The following MGAT4C variants were observed in gnomAD, a reference collection of about 807,000 sequenced individuals.
The protein encoded by MGAT4C is MGAT4 family member C, also known as alpha-1,3-mannosyl-glycoprotein 4-beta-N-acetylglucosaminyltransferase C.
MGAT4C carries 19 observed loss-of-function variants against 40.1 expected under a neutral mutation model. The ratio of observed to expected loss-of-function variants is 0.47; its 90% CI spans 0.33 to 0.70. The LOEUF (loss-of-function observed/expected upper bound fraction) is 0.70. Ranked by LOEUF, MGAT4C falls within the 30% of genes least tolerant of loss-of-function variation. The probability of loss-of-function intolerance (pLI) is 0.02; values close to 1 mark genes in which losing one functional copy is unlikely to be tolerated. For synonymous variants in MGAT4C, 181 were observed against 187.1 expected (o/e 0.97, Z 0.27); for missense variants, 491 against 563.2 (o/e 0.87, Z 1.30).
At chr12:86,354,966 GC>G (rs1350249579) in intron 3 of MGAT4C, among the ~76,000 whole-genome samples, 4 of 152,194 alleles carry the variant, frequency 2.6e-5, no homozygotes, top group African/African-American at 9.7e-5. Context: ...GCCACTGCTG[GC>G]TGGGGGCGGC....
intron 2 of MGAT4C, among the ~76,000 whole-genome samples, chr12:86,530,814 C>T (rs1958968780): frequency 6.6e-6 from 1 of 151,938 alleles, no homozygotes; most frequent in Non-Finnish European, 1.5e-5. Context: ...GCTTCTTTTC[C>T]AATCCATTTG....
chr12:86,338,205 A>T (rs1452458272), intron 3 of MGAT4C, among the ~76,000 whole-genome samples: 11 of 152,162 alleles, frequency 7.2e-5, no homozygotes, highest in Admixed American at 7.2e-4. Flanking sequence ...GTAAGCCAGC[A>T]AACTGGGAAT....
At chr12:86,577,251 A>G (rs1960601780) in intron 2 of MGAT4C, among the ~76,000 whole-genome samples, 1 of 151,906 alleles carries the variant, frequency 6.6e-6, no homozygotes, top group Admixed American at 6.6e-5. Flanking sequence ...TTATCAGCAA[A>G]TAAGAATAAT....
At chr12:86,320,325 G>T (rs553219028) in intron 4 of MGAT4C, among the ~76,000 whole-genome samples, 1 of 152,176 alleles carries the variant, frequency 6.6e-6, no homozygotes, top group South Asian at 2.1e-4. Context: ...CAGTAGGGAA[G>T]GTGTTAACTT....
chr12:86,639,907 C>T (rs1333868625), intron 2 of MGAT4C, among the ~76,000 whole-genome samples: 1 of 151,670 alleles, frequency 6.6e-6, no homozygotes, highest in Non-Finnish European at 1.5e-5. Flanking sequence ...GCTTCCTGTG[C>T]TGGCTACTTA....
chr12:86,542,014 C>T (rs1003737300), intron 2 of MGAT4C, among the ~76,000 whole-genome samples: 1 of 152,162 alleles, frequency 6.6e-6, no homozygotes, highest in Non-Finnish European at 1.5e-5. Context: ...ACATTTGAGC[C>T]TTTATAAGTG....
chr12:86,064,036 T>C (rs1199393897), intron 1 of MGAT4C, among the ~76,000 whole-genome samples: 1 of 152,212 alleles, frequency 6.6e-6, no homozygotes, highest in Non-Finnish European at 1.5e-5. Flanking sequence ...AACTCAGCTC[T>C]GGACCAAGCA....
At chr12:86,741,737 A>C (rs2136130833) in intron 1 of MGAT4C, among the ~76,000 whole-genome samples, 1 of 151,508 alleles carries the variant, frequency 6.6e-6, no homozygotes, top group Non-Finnish European at 1.5e-5. Context: ...TCTTCCTCTT[A>C]TTCCTACCCA....
At chr12:86,239,687 G>A (rs575021002) in intron 1 of MGAT4C, among the ~76,000 whole-genome samples, 7 of 152,184 alleles carry the variant, frequency 4.6e-5, no homozygotes, top group African/African-American at 1.7e-4. Context: ...AATTAAGTCA[G>A]TGGGAGATCC....
intron 2 of MGAT4C, among the ~76,000 whole-genome samples, chr12:86,471,227 A>C (rs1245052496): frequency 1.3e-5 from 2 of 151,974 alleles, no homozygotes; most frequent in African/African-American, 4.8e-5. Flanking sequence ...ATAAAAGATA[A>C]TTTTTCTACT....
intron 2 of MGAT4C, chr12:86,495,448 T>A (rs981477673): frequency 6.6e-6 from 1 of 152,224 alleles, no homozygotes; most frequent in South Asian, 2.1e-4. Flanking sequence ...AATAATAATT[T>A]ATTTTCCACA....
intron 2 of MGAT4C, chr12:86,013,626 C>T (rs1292907546): frequency 1.9e-6 from 1 of 522,588 alleles, no homozygotes; most frequent in East Asian, 1.5e-4. Context: ...GCTATATTCA[C>T]TTATAAATCT....
chr12:86,278,178 C>CT (rs57981698), intron 4 of MGAT4C, among the ~76,000 whole-genome samples: 10,683 of 99,736 alleles, frequency 0.11, 780 homozygotes, highest in Middle Eastern at 0.25. Flanking sequence ...TGTTGACTTC[C>CT]TTTTTTTTTT....
At chr12:86,700,070 T>TAGATAAATAGATAGATA (rs1565933976) in intron 2 of MGAT4C, among the ~76,000 whole-genome samples, 3 of 149,926 alleles carry the variant, frequency 2.0e-5, no homozygotes, top group Non-Finnish European at 4.4e-5. Flanking sequence ...ATAGATAAGA[T>TAGATAAATAGATAGATA]AGATAGATAA....
intron 2 of MGAT4C, among the ~76,000 whole-genome samples, chr12:86,714,163 A>C (rs1255556227): frequency 2.6e-5 from 4 of 152,172 alleles, no homozygotes; most frequent in Non-Finnish European, 4.4e-5. Flanking sequence ...ATTAAGGGAC[A>C]AAATAAAGAC....
intron 1 of MGAT4C, among the ~76,000 whole-genome samples, chr12:86,796,749 A>T (rs1593216102): frequency 6.6e-6 from 1 of 152,070 alleles, no homozygotes; most frequent in East Asian, 1.9e-4. Flanking sequence ...TAGTCATTCC[A>T]CAATATATAT....
Position 86,266,195 on chromosome 12 carries a change from C to T in MGAT4C, c.-57+67870G>A, listed in dbSNP as rs140666062. 1.2e-3 allele frequency among the ~76,000 whole-genome samples: 188 copies of T among 152,158 alleles called. 2 individuals are homozygous for T. Among genetic ancestry groups the T allele is most frequent in the Middle Eastern group, 0.01 (3 of 294 alleles). On this transcript the variant is annotated intron_variant, in intron 4 of 7. Transcript: ENST00000548651. The stretch of plus-strand genomic sequence containing the variant: ...CTATGTTGAATAGGTGTGGTGCAAG[C>T]GGGCATTCTTGTCTTGCTCCAGTTC...
At chr12:86,038,187 A>G (rs2136927426) in intron 2 of MGAT4C, among the ~76,000 whole-genome samples, 1 of 149,916 alleles carries the variant, frequency 6.7e-6, no homozygotes, top group East Asian at 1.9e-4. Context: ...TTTGAAGCAT[A>G]TGGGACATAT....
chr12:86,022,037 T>G (rs546588075), intron 2 of MGAT4C, among the ~76,000 whole-genome samples: 29 of 152,316 alleles, frequency 1.9e-4, no homozygotes, highest in Non-Finnish European at 4.0e-4. Flanking sequence ...TTCTTAAGCT[T>G]GTTATTAAAT....
Sources: allele counts gnomAD v4.1 joint callset (sites outside exome capture counted in the v4.1 genomes callset), GRCh38; gene constraint gnomAD v4.1.1; transcripts MANE v1.5; gene names NCBI Gene and HGNC (gene_info 2026-07-23, HGNC 2026-07-21).